FREM2: variants seen among roughly 807,000 people sequenced by gnomAD.
FREM2 encodes FRAS1 related extracellular matrix 2, also known as FRAS1-related extracellular matrix protein 2.
In FREM2, 119 loss-of-function variants were observed where a neutral mutation model predicts 219.9. The ratio of observed to expected loss-of-function variants is 0.54; its 90% CI spans 0.47 to 0.63. The LOEUF (loss-of-function observed/expected upper bound fraction) is 0.63. FREM2 is among the 30% of genes least tolerant of loss of function. The pLI, the probability that FREM2 is intolerant of heterozygous loss-of-function variation, is 0.00. For missense variants in FREM2, 4,030 were observed against 3,993.6 expected (o/e 1.01, Z -0.25); for synonymous variants, 1,562 against 1,522.8 (o/e 1.03, Z -0.60).
At chr13:38,817,270 A>G (rs909237922) in intron 6 of FREM2, among the ~76,000 whole-genome samples, 1 of 152,194 alleles carries the variant, frequency 6.6e-6, no homozygotes, top group South Asian at 2.1e-4. Flanking sequence ...CTGTGCAAAA[A>G]GAACAAAGCT....
At chr13:38,746,703 C>G (rs978693741) in intron 2 of FREM2, among the ~76,000 whole-genome samples, 31 of 152,210 alleles carry the variant, frequency 2.0e-4, no homozygotes, top group African/African-American at 7.5e-4. Flanking sequence ...TATACCTGAC[C>G]AATGGCATTC....
chr13:38,791,912 A>G (rs1333540089), intron 6 of FREM2, among the ~76,000 whole-genome samples: 2 of 152,102 alleles, frequency 1.3e-5, no homozygotes, highest in Non-Finnish European at 2.9e-5. Context: ...TTCCTCCCTC[A>G]TGTCTTCATC....
chr13:38,751,722 C>CT (rs1445452594), intron 2 of FREM2, among the ~76,000 whole-genome samples: 2 of 152,156 alleles, frequency 1.3e-5, no homozygotes, highest in East Asian at 3.9e-4. Flanking sequence ...TGTAAACCAA[C>CT]TTTATACTTC....
chr13:38,783,094 C>T lies in FREM2; in HGVS notation c.5666C>T (p.Ser1889Phe), dbSNP rs756734486. Residue 1889 changes from serine to phenylalanine, a missense_variant, in exon 5 of 24, where the codon TCC (serine) becomes TTC (phenylalanine). This residue lies in a region of FREM2 where 3,102 missense variants were observed against 2,950.7 expected (regional missense o/e 1.05). Transcript: ENST00000280481. The stretch of plus-strand genomic sequence containing the variant: ...GAGCCAACTGTGTTTATTCCCCAGT[C>T]CAAATACTCCGTTGAAGAAGATGTT... ...GDEPTVFIPQ[S>F]KYSVEEDVGE... The T allele has an allele frequency of 5.0e-6, 8 of 1,613,740 alleles. No individual in the cohort carries two copies. In the African/African-American group the frequency reaches 1.1e-4, roughly 22 times the overall value.
chr13:38,784,726 CCTT>C lies in FREM2; in HGVS notation c.5940_5942del (p.Leu1981del), dbSNP rs775394591. ...ACGAGGAGGAGGAAACCTTCCATGT[CCTT>C]CTGAGCATGCCCATGGGGGGAAGAA... On this transcript the variant is annotated inframe_deletion, in exon 6 of 24. Transcript: ENST00000280481. 9.9e-6 allele frequency: 16 copies of C among 1,614,086 alleles called. No homozygotes were observed. The South Asian group carries it at 1.8e-4, about 18-fold the overall frequency.
chr13:38,780,293 G>A (rs1874067344), intron 4 of FREM2, among the ~76,000 whole-genome samples: 1 of 152,166 alleles, frequency 6.6e-6, no homozygotes, highest in Admixed American at 6.5e-5. Context: ...GGTCAAGACA[G>A]CAAAACTTGG....
At chr13:38,818,081 G>C (rs1262091614) in intron 6 of FREM2, among the ~76,000 whole-genome samples, 1 of 152,160 alleles carries the variant, frequency 6.6e-6, no homozygotes, top group African/African-American at 2.4e-5. Flanking sequence ...CGTACTGTTG[G>C]TGAGGTTGTA....
In FREM2 at chr13:38,688,353, G is replaced by T. The variant is rs766922293; in HGVS notation, c.1009G>T (p.Ala337Ser). ...MMEVDQFVLT[A>S]LTPDMLAAED... ...GGAGGTGGACCAGTTTGTACTGACG[G>T]CCCTGACCCCAGACATGCTGGCAGC... is the stretch of plus-strand genomic sequence containing the variant. Residue 337 changes from alanine to serine, a missense_variant, in exon 1 of 24, where the codon GCC (alanine) becomes TCC (serine). Physicochemically the swap from Ala to Ser is moderately conservative, Grantham distance 99. Coordinates refer to ENST00000280481, the MANE Select transcript of FREM2 (RefSeq NM_207361.6). 17 of 1,614,172 alleles carry T rather than the reference G, an allele frequency of 1.1e-5. No homozygotes were observed. In the South Asian group the frequency reaches 1.6e-4, roughly 16 times the overall value.
intron 2 of FREM2, among the ~76,000 whole-genome samples, chr13:38,735,887 A>G (rs1197859905): frequency 6.6e-6 from 1 of 152,200 alleles, no homozygotes; most frequent in Non-Finnish European, 1.5e-5. Flanking sequence ...GGGAATAAGC[A>G]GGAGTTAGTT....
chr13:38,699,985 G>A (rs921726827), intron 2 of FREM2, among the ~76,000 whole-genome samples: 3 of 152,066 alleles, frequency 2.0e-5, no homozygotes, highest in Non-Finnish European at 4.4e-5. Context: ...TGGGAAGCAA[G>A]TCAGGGCACA....
rs151214132 is a variant in FREM2, at chr13:38,691,047, C to T, written c.3703C>T (p.His1235Tyr). 2 of 1,614,148 alleles carry T rather than the reference C, an allele frequency of 1.2e-6. No individual in the cohort carries two copies. Among genetic ancestry groups the T allele is most frequent in the Non-Finnish European group, 1.7e-6 (2 of 1,180,030 alleles). Reference protein sequence around the residue: ...LTFTITQFPTHGHIMNQLING... With the variant: ...LTFTITQFPTYGHIMNQLING... ...TTTCACTATTACCCAATTCCCCACT[C>T]ATGGTCACATCATGAATCAGCTGAT... The change falls in exon 1 of 24, where the codon CAT becomes TAT. Residue 1235 changes from histidine to tyrosine, a missense_variant. His to Tyr is a moderately conservative substitution (Grantham distance 83). Coordinates refer to ENST00000280481, the MANE Select transcript of FREM2 (RefSeq NM_207361.6).
intron 2 of FREM2, among the ~76,000 whole-genome samples, chr13:38,734,690 T>C (rs1871908007): frequency 6.7e-6 from 1 of 150,020 alleles, no homozygotes; most frequent in Non-Finnish European, 1.5e-5. Flanking sequence ...TAGCAGTAAC[T>C]ATATGTTCCT....
intron 4 of FREM2, among the ~76,000 whole-genome samples, chr13:38,775,428 C>T (rs1008913190): frequency 6.6e-6 from 1 of 152,110 alleles, no homozygotes; most frequent in Non-Finnish European, 1.5e-5. Context: ...AAGCATAGGT[C>T]GTCATCTTAA....
At chr13:38,879,351 G>C (rs1878462623) in intron 23 of FREM2, among the ~76,000 whole-genome samples, 1 of 152,136 alleles carries the variant, frequency 6.6e-6, no homozygotes, top group Non-Finnish European at 1.5e-5. Flanking sequence ...CCTTCCTGCT[G>C]ACTTTTCACC....
intron 6 of FREM2, among the ~76,000 whole-genome samples, chr13:38,840,371 G>A (rs1259041239): frequency 6.6e-6 from 1 of 151,200 alleles, no homozygotes; most frequent in South Asian, 2.1e-4. Flanking sequence ...GGCCTTGCTG[G>A]GTGCTGCAGA....
intron 20 of FREM2, 32 bp from the exon 21 acceptor site, chr13:38,877,085 A>AT: frequency 1.2e-6 from 2 of 1,613,456 alleles, no homozygotes; most frequent in Non-Finnish European, 1.7e-6. Flanking sequence ...AGAACCACTG[A>AT]TGCATAAAAG....
chr13:38,881,216 A>C lies in FREM2; in HGVS notation c.*429A>C. Reference sequence around the variant, plus strand: ...AATTGTATAACAGATTATTACTAGAAAGGTTTTTGTTGCTAGTCTGGAAAA... The same window carrying C: ...AATTGTATAACAGATTATTACTAGACAGGTTTTTGTTGCTAGTCTGGAAAA... On this transcript the variant is annotated 3_prime_UTR_variant, in exon 24 of 24. Transcript: ENST00000280481. 4.3e-6 allele frequency: 1 copy of C among 235,112 alleles called. No homozygotes were observed. The highest frequency in any genetic ancestry group is 5.8e-5 in the South Asian group (1 of 17,114). 14.6% of individuals were successfully genotyped at this position (235,112 alleles called of 1,614,324 possible).
chr13:38,778,217 A>G (rs549134424), intron 4 of FREM2, among the ~76,000 whole-genome samples: 1 of 152,356 alleles, frequency 6.6e-6, no homozygotes, highest in Non-Finnish European at 1.5e-5. Flanking sequence ...TCAGGCTGCT[A>G]TAACAAAATG....
rs746965521 is a variant in FREM2 at position 38,876,123 on chromosome 13, C to T, written c.8383C>T (p.Gln2795Ter). 6.2e-7 allele frequency: 1 copy of T among 1,614,158 alleles called. No homozygotes were observed. The highest frequency in any genetic ancestry group is 8.5e-7 in the Non-Finnish European group (1 of 1,180,010). Residue 2795 changes from glutamine to a stop codon, truncating the protein, a stop_gained, in exon 19 of 24, where the codon CAG becomes TAG. Transcript: ENST00000280481. LOFTEE classifies it high-confidence loss of function. ...ACCAACCTATAACCAGCCAGTACAG[C>T]AGTGGAGCTTTGTCTCTGACTTTGC... ...SEPTYNQPVQ[Q>*]WSFVSDFAVR... is the part of the protein sequence containing the mutation.
Sources: gnomAD v4.1 joint callset for allele counts (sites outside exome capture counted in the v4.1 genomes callset) on GRCh38, gnomAD v4.1.1 for gene constraint, gnomAD v4.1.1 regional missense constraint, MANE v1.5 for transcripts, NCBI Gene and HGNC (gene_info 2026-07-23, HGNC 2026-07-21) for gene names.